SLC30A7: variants seen among roughly 807,000 people sequenced by gnomAD.
SLC30A7 encodes the protein zinc transporter 7.
A neutral mutation model predicts 46.0 loss-of-function variants in SLC30A7; 35 were observed. That is an observed-to-expected ratio of 0.76 (90% CI 0.58 to 1.01). The LOEUF (loss-of-function observed/expected upper bound fraction) is 1.01, where lower values mean the gene tolerates loss of function less well. Among genes scored for constraint, SLC30A7 ranks in the 50% least tolerant of loss-of-function variants. SLC30A7 has a pLI of 0.00. For synonymous variants in SLC30A7, 147 were observed against 157.8 expected, an observed-to-expected ratio of 0.93 and a Z score of 0.51; for missense variants, 464 against 451.1, an observed-to-expected ratio of 1.03 and a Z score of -0.26.
At chr1:100,964,099 GA>G (rs1655698356) in intron 9 of SLC30A7, among the ~76,000 whole-genome samples, 1 of 151,958 alleles carries the variant, frequency 6.6e-6, no homozygotes, top group Non-Finnish European at 1.5e-5. Flanking sequence ...AGAGAGATCA[GA>G]AGGCTAGAGG....
At chr1:100,918,568 T>G (rs188934297) in intron 7 of SLC30A7, among the ~76,000 whole-genome samples, 2 of 152,298 alleles carry the variant, frequency 1.3e-5, no homozygotes, top group East Asian at 3.9e-4. Context: ...TGTGTCCTAA[T>G]AAACCCGTGG....
chr1:100,970,639 A>G (rs1209391069), intron 10 of SLC30A7, among the ~76,000 whole-genome samples: 1 of 150,888 alleles, frequency 6.6e-6, no homozygotes, highest in Non-Finnish European at 1.5e-5. Context: ...TCATTTGGGA[A>G]TTGATAAAAT....
intron 2 of SLC30A7, among the ~76,000 whole-genome samples, chr1:100,899,801 G>T (rs1271099013): frequency 6.6e-6 from 1 of 150,924 alleles, no homozygotes. Flanking sequence ...CAGATAAAAA[G>T]AGGTAAAAGG....
chr1:100,984,369 G>A (rs760469282), downstream of SLC30A7, among the ~76,000 whole-genome samples: 7 of 152,144 alleles, frequency 4.6e-5, no homozygotes, highest in Non-Finnish European at 8.8e-5. Flanking sequence ...AGGGAACCAG[G>A]AAGTGGAGAG....
the SLC30A7 span, chr1:100,995,513 A>G: frequency 6.2e-6 from 1 of 160,736 alleles, no homozygotes; most frequent in Non-Finnish European, 1.4e-5. Flanking sequence ...CCTTTGATAG[A>G]TGTAATGTAA....
At chr1:100,991,785 T>C in the SLC30A7 span, among the ~76,000 whole-genome samples, 1 of 76,674 alleles carries the variant, frequency 1.3e-5, no homozygotes, top group Non-Finnish European at 2.8e-5. Context: ...CAAGACCCCA[T>C]CTCAAAAAAA....
At chr1:100,988,530 C>T in the SLC30A7 span, among the ~76,000 whole-genome samples, 1 of 152,180 alleles carries the variant, frequency 6.6e-6, no homozygotes, top group African/African-American at 2.4e-5. Flanking sequence ...GTACTTGGCT[C>T]TCTCCCCTTC....
chr1:100,972,333 A>G (rs1365502427), intron 10 of SLC30A7: 1 of 281,176 alleles, frequency 3.6e-6, no homozygotes, highest in Non-Finnish European at 7.5e-6. Flanking sequence ...TCATCGGGCC[A>G]GATGGATAAA....
In SLC30A7 at chr1:100,901,430, G is replaced by C. The variant is rs975446926; in HGVS notation, c.182+4759G>C. On this transcript the variant is annotated intron_variant, in intron 2 of 10. Coordinates refer to ENST00000357650, the MANE Select transcript of SLC30A7 (RefSeq NM_133496.5). ...TTTGCTTCTGTATTTATGTATTCAG[G>C]TTTCTCCTTTATACACGTAGAAGTT... Among the ~76,000 whole-genome samples, 26 of 152,020 alleles carry C rather than the reference G, an allele frequency of 1.7e-4. No individual in the cohort carries two copies. In the East Asian group the frequency reaches 4.8e-3, roughly 28 times the overall value.
intron 8 of SLC30A7, among the ~76,000 whole-genome samples, chr1:100,960,788 A>C (rs947856056): frequency 1.3e-5 from 2 of 152,196 alleles, no homozygotes; most frequent in African/African-American, 4.8e-5. Flanking sequence ...AATCATTGGA[A>C]TCACATGGAG....
At chr1:100,929,341 AT>A (rs936346313) in intron 8 of SLC30A7, among the ~76,000 whole-genome samples, 3 of 152,052 alleles carry the variant, frequency 2.0e-5, no homozygotes, top group African/African-American at 4.8e-5. Context: ...CTAGTTCAGC[AT>A]TTTTTTCATT....
chr1:100,905,273 C>T (rs997351974), intron 2 of SLC30A7, among the ~76,000 whole-genome samples: 3 of 151,948 alleles, frequency 2.0e-5, no homozygotes, highest in Non-Finnish European at 4.4e-5. Context: ...GAAAAACATG[C>T]TATAAATTTT....
chr1:100,919,767 C>A (rs1272922363), intron 7 of SLC30A7, among the ~76,000 whole-genome samples: 1 of 151,908 alleles, frequency 6.6e-6, no homozygotes, highest in Non-Finnish European at 1.5e-5. Context: ...GGCTGAAGAG[C>A]CCAGTAAATA....
intron 10 of SLC30A7, 79 bp from the exon 11 acceptor site, chr1:100,974,730 GA>G (rs886553239): frequency 5.6e-5 from 59 of 1,052,100 alleles, no homozygotes; most frequent in South Asian, 2.8e-4. Context: ...ATTTGTAAAA[GA>G]AAAAAAATAC....
chr1:100,950,063 T>C (rs1331130790), intron 8 of SLC30A7, among the ~76,000 whole-genome samples: 2 of 152,132 alleles, frequency 1.3e-5, no homozygotes, highest in Non-Finnish European at 2.9e-5. Flanking sequence ...GGTACTTCAG[T>C]TGGAAATGCA....
chr1:100,992,491 T>C, the SLC30A7 span: 3 of 548,430 alleles, frequency 5.5e-6, no homozygotes, highest in Middle Eastern at 4.4e-4. Context: ...GGGATTTAAG[T>C]TAAAGTTGGA....
chr1:100,910,918 A>C (rs1652044652), intron 3 of SLC30A7, 145 bp from the exon 4 acceptor site: 1 of 516,518 alleles, frequency 1.9e-6, no homozygotes, highest in Non-Finnish European at 3.4e-6. Flanking sequence ...TATAAAATAA[A>C]ATGCACTGTA....
At chr1:100,920,064 C>T (rs1553237271) in intron 7 of SLC30A7, among the ~76,000 whole-genome samples, 1 of 151,954 alleles carries the variant, frequency 6.6e-6, no homozygotes, top group African/African-American at 2.4e-5. Flanking sequence ...GTTTTAATGA[C>T]ACTTACTAAT....
At chr1:100,918,047 CAT>C in intron 6 of SLC30A7, 28 bp from the exon 7 acceptor site, 1 of 1,583,856 alleles carries the variant, frequency 6.3e-7, no homozygotes, top group Non-Finnish European at 8.6e-7. Flanking sequence ...GAATTGAAAA[CAT>C]GTTTTAAAAT....
Sources: allele counts gnomAD v4.1 joint callset (sites outside exome capture counted in the v4.1 genomes callset), GRCh38; gene constraint gnomAD v4.1.1; transcripts MANE v1.5; gene names NCBI Gene and HGNC (gene_info 2026-07-23, HGNC 2026-07-21).